YBX3: variants seen among roughly 807,000 people sequenced by gnomAD.
YBX3 encodes the protein Y-box binding protein 3, also known as Y-box-binding protein 3.
In YBX3, 29 loss-of-function variants were observed where a neutral mutation model predicts 42.4. That is an observed-to-expected ratio of 0.68 (90% CI 0.51 to 0.93). YBX3 has a LOEUF of 0.93. YBX3 is among the 40% of genes least tolerant of loss of function. YBX3 has a pLI of 0.00. For synonymous variants in YBX3, 195 were observed against 189.8 expected, an observed-to-expected ratio of 1.03 and a Z score of -0.22; for missense variants, 517 against 527.5, an observed-to-expected ratio of 0.98 and a Z score of 0.19.
At chr12:10,715,644 A>C (rs763146810) in intron 4 of YBX3, 50 bp downstream of exon 4, 32 of 1,469,854 alleles carry the variant, frequency 2.2e-5, no homozygotes, top group Non-Finnish European at 3.0e-5. Context: ...TTTATTGTGC[A>C]ACAGTACTAT....
chr12:10,718,306 C>T (rs1948286183), intron 2 of YBX3, 185 bp from the exon 3 acceptor site: 1 of 504,722 alleles, frequency 2.0e-6, no homozygotes, highest in Non-Finnish European at 3.5e-6. Flanking sequence ...AGGCCACCCA[C>T]CTTCCTCCTC....
chr12:10,705,876 T>C (rs1948131654), intron 6 of YBX3, among the ~76,000 whole-genome samples: 1 of 152,170 alleles, frequency 6.6e-6, no homozygotes, highest in Admixed American at 6.5e-5. Flanking sequence ...TTTCCAACAT[T>C]CTTTGAGTAC....
intron 4 of YBX3, among the ~76,000 whole-genome samples, chr12:10,714,494 T>G (rs2061284185): frequency 6.6e-6 from 1 of 152,210 alleles, no homozygotes; most frequent in African/African-American, 2.4e-5. Context: ...ATTAAAAACT[T>G]CTGTAGCTAG....
At chr12:10,700,590 C>T (rs1404433100) in intron 9 of YBX3, among the ~76,000 whole-genome samples, 1 of 152,114 alleles carries the variant, frequency 6.6e-6, no homozygotes, top group Non-Finnish European at 1.5e-5. Flanking sequence ...ACAAGCTATC[C>T]TTTTACGAGA....
chr12:10,713,051 TAA>T, intron 5 of YBX3, 158 bp downstream of exon 5: 1 of 1,030,342 alleles, frequency 9.7e-7, no homozygotes, highest in Non-Finnish European at 1.3e-6. Context: ...ATACACATTT[TAA>T]AAAATAAGAT....
intron 6 of YBX3, 74 bp downstream of exon 6, chr12:10,709,828 TGGAGGA>T: frequency 3.9e-6 from 6 of 1,532,866 alleles, no homozygotes; most frequent in East Asian, 2.3e-5. Flanking sequence ...CAGCTGATGT[TGGAGGA>T]GGAGGAGGAA....
chr12:10,720,819 T>G (rs897165420), intron 1 of YBX3: 2 of 152,236 alleles, frequency 1.3e-5, no homozygotes, highest in African/African-American at 2.4e-5. Flanking sequence ...TTATTTTTAC[T>G]CTCCAATGTA....
intron 2 of YBX3, 124 bp from the exon 3 acceptor site, chr12:10,718,245 C>T (rs973259629): frequency 1.1e-5 from 9 of 811,074 alleles, no homozygotes; most frequent in Non-Finnish European, 1.3e-5. Context: ...CACTTATTTT[C>T]TACACTCAAT....
At chr12:10,710,776 A>G in intron 5 of YBX3, 1 of 392,330 alleles carries the variant, frequency 2.5e-6, no homozygotes, top group Non-Finnish European at 5.1e-6. Context: ...CTATTAAACC[A>G]TACATCAGAG....
chr12:10,706,755 C>T (rs147787758), intron 6 of YBX3, among the ~76,000 whole-genome samples: 2,021 of 152,178 alleles, frequency 0.013, 35 homozygotes, highest in African/African-American at 0.046. Context: ...CGGTGGCTCA[C>T]GCCTGTAATC....
chr12:10,709,297 A>G lies in YBX3; in HGVS notation c.780+611T>C, dbSNP rs1035650227. Among the ~76,000 whole-genome samples, 4 of 152,210 alleles carry G rather than the reference A, an allele frequency of 2.6e-5. No homozygotes were observed. The East Asian group carries it at 7.7e-4, about 29-fold the overall frequency. ...AAAATTGATGTAAGGTTTATTAAGCACAAAACAAACTCAAAACAGCTGTAC... is the reference window on the plus strand; with the variant it reads ...AAAATTGATGTAAGGTTTATTAAGCGCAAAACAAACTCAAAACAGCTGTAC... On this transcript the variant is annotated intron_variant, in intron 6 of 9. Coordinates refer to ENST00000228251, the MANE Select transcript of YBX3 (RefSeq NM_003651.5).
Position 10,722,962 on chromosome 12 carries a change from G to C in YBX3, c.150C>G (p.Ala50=), listed in dbSNP as rs1224217482. Residue 50 remains alanine (A), a synonymous_variant, in exon 1 of 10, where the codon GCC becomes GCG. Transcript: ENST00000228251. ...APQAAAPAPA[A]HVAGNPGGDA... Reference sequence around the variant, plus strand: ...CCCCACCGGGGTTTCCTGCGACGTGGGCGGCGGGCGCCGGGGCCGCGGCCT... The same window carrying C: ...CCCCACCGGGGTTTCCTGCGACGTGCGCGGCGGGCGCCGGGGCCGCGGCCT... 4 of 1,250,108 alleles carry C rather than the reference G, an allele frequency of 3.2e-6. No homozygotes were observed. Among genetic ancestry groups the C allele is most frequent in the Non-Finnish European group, 4.0e-6 (4 of 1,002,438 alleles). 77.4% of individuals were successfully genotyped at this position (1,250,108 alleles called of 1,614,324 possible).
In YBX3 at chr12:10,704,176, A is replaced by G. The variant is rs745601237; in HGVS notation, c.781-28T>C. On this transcript the variant is annotated intron_variant, in intron 6 of 9. Transcript: ENST00000228251. ...GGAGAGGCAATGAGAGCTGACAGTGAGTGTCACAGCACAGGGGATAAGATA... is the reference window on the plus strand; with the variant it reads ...GGAGAGGCAATGAGAGCTGACAGTGGGTGTCACAGCACAGGGGATAAGATA... 4 of 1,592,872 alleles carry G rather than the reference A, an allele frequency of 2.5e-6. No individual in the cohort carries two copies. In the Admixed American group the frequency reaches 5.0e-5, roughly 20 times the overall value.
intron 5 of YBX3, chr12:10,710,597 T>G: frequency 7.9e-7 from 1 of 1,264,478 alleles, no homozygotes; most frequent in Non-Finnish European, 1.0e-6. Context: ...TTCTGAAAAC[T>G]TCCAGGGGGT....
chr12:10,709,158 T>C (rs1948170023), intron 6 of YBX3, among the ~76,000 whole-genome samples: 1 of 151,930 alleles, frequency 6.6e-6, no homozygotes, highest in Non-Finnish European at 1.5e-5. Flanking sequence ...TCAAAACATC[T>C]AGCGGTGAGG....
chr12:10,722,720 C>A (rs1948343508), intron 1 of YBX3, 130 bp downstream of exon 1: 2 of 868,108 alleles, frequency 2.3e-6, no homozygotes, highest in South Asian at 1.1e-4. Flanking sequence ...ACCCGGAGAT[C>A]CCTGGGGACC....
chr12:10,703,608 A>T, intron 7 of YBX3: 1 of 434,468 alleles, frequency 2.3e-6, no homozygotes, highest in Non-Finnish European at 4.6e-6. Flanking sequence ...CCAAGAACAT[A>T]CATCTAATGA....
chr12:10,701,874 C>A, intron 8 of YBX3, 86 bp downstream of exon 8: 1 of 1,446,808 alleles, frequency 6.9e-7, no homozygotes, highest in South Asian at 1.4e-5. Context: ...TGTCAGGTTT[C>A]ATGTGATAAA....
At chr12:10,718,805 C>G (rs994760610) in intron 2 of YBX3, among the ~76,000 whole-genome samples, 6 of 152,124 alleles carry the variant, frequency 3.9e-5, no homozygotes, top group Admixed American at 6.6e-5. Flanking sequence ...TGGATATGGT[C>G]TCATTTATCC....
Sources: allele counts gnomAD v4.1 joint callset (sites outside exome capture counted in the v4.1 genomes callset), GRCh38; gene constraint gnomAD v4.1.1; transcripts MANE v1.5; gene names NCBI Gene and HGNC (gene_info 2026-07-23, HGNC 2026-07-21).